The following PDE4B variants were observed in gnomAD, a reference collection of about 807,000 sequenced individuals.
PDE4B encodes the protein phosphodiesterase 4B, also known as 3',5'-cyclic-AMP phosphodiesterase 4B.
In PDE4B, 20 loss-of-function variants were observed where a neutral mutation model predicts 82.2. The observed-to-expected ratio is 0.24, with a 90% CI of 0.17 to 0.35. The LOEUF is 0.35. Among genes scored for constraint, PDE4B ranks in the 10% least tolerant of loss-of-function variants. PDE4B has a pLI of 1.00. For synonymous variants in PDE4B, 320 were observed against 318.9 expected (o/e 1.00, Z -0.04); for missense variants, 655 against 907.2 (o/e 0.72, Z 3.57).
At chr1:66,140,971 G>A (rs529825224) in intron 3 of PDE4B, among the ~76,000 whole-genome samples, 3 of 152,062 alleles carry the variant, frequency 2.0e-5, no homozygotes, top group East Asian at 3.8e-4. Flanking sequence ...AACATTTTAG[G>A]TCTCTGTCTG....
At chr1:66,157,410 C>T (rs1646522119) in intron 3 of PDE4B, among the ~76,000 whole-genome samples, 1 of 152,200 alleles carries the variant, frequency 6.6e-6, no homozygotes, top group Non-Finnish European at 1.5e-5. Flanking sequence ...ATTCCCTTTA[C>T]ATTCTGATGA....
chr1:65,877,475 C>A (rs897213722), intron 1 of PDE4B, among the ~76,000 whole-genome samples: 12 of 151,772 alleles, frequency 7.9e-5, no homozygotes, highest in African/African-American at 2.9e-4. Context: ...ATTAGCTGGG[C>A]GTGGTGGCAG....
chr1:65,815,024 TA>T (rs1645864929), intron 1 of PDE4B, among the ~76,000 whole-genome samples: 1 of 4,330 alleles, frequency 2.3e-4, no homozygotes, highest in Non-Finnish European at 9.1e-3. Context: ...ACACACATTT[TA>T]TTTATTTATT....
chr1:65,840,530 T>C (rs879786317), intron 1 of PDE4B, among the ~76,000 whole-genome samples: 6 of 152,136 alleles, frequency 3.9e-5, no homozygotes, highest in Non-Finnish European at 7.4e-5. Flanking sequence ...TTAACAATAC[T>C]AAACAAAACA....
chr1:66,158,592 A>C (rs1481752315), intron 3 of PDE4B, among the ~76,000 whole-genome samples: 1 of 152,216 alleles, frequency 6.6e-6, no homozygotes, highest in Non-Finnish European at 1.5e-5. Context: ...TCCCACTACT[A>C]GTTATATATT....
intron 3 of PDE4B, among the ~76,000 whole-genome samples, chr1:66,130,208 C>G (rs1327009127): frequency 6.6e-6 from 1 of 152,196 alleles, no homozygotes; most frequent in African/African-American, 2.4e-5. Flanking sequence ...CCAAGTGGAG[C>G]CTCCTTAAAA....
chr1:66,285,949 C>T (rs1260657985), intron 7 of PDE4B, among the ~76,000 whole-genome samples: 1 of 152,140 alleles, frequency 6.6e-6, no homozygotes, highest in Non-Finnish European at 1.5e-5. Flanking sequence ...ATTCTATGAA[C>T]AAGAGAAGAC....
chr1:66,228,975 A>T (rs6692281), intron 3 of PDE4B, among the ~76,000 whole-genome samples: 132,282 of 150,368 alleles, frequency 0.88, 58,047 homozygotes, highest in Non-Finnish European at 0.94. Flanking sequence ...CAATTTCATA[A>T]GGTCTGACCT....
At chr1:66,044,526 C>T (rs905170530) in intron 3 of PDE4B, among the ~76,000 whole-genome samples, 2 of 151,468 alleles carry the variant, frequency 1.3e-5, no homozygotes, top group African/African-American at 2.4e-5. Context: ...GGATCACAAG[C>T]GATATATATT....
Position 66,215,202 on chromosome 1 carries a change from AC to A in PDE4B, c.282-32257del, listed in dbSNP as rs200386154. ...TTCAACAGCTAGCAGGTCATAGGCA[AC>A]AAGCCAATGGGAAGGTTTTAGCATT... On this transcript the variant is annotated intron_variant, in intron 3 of 16. Coordinates refer to ENST00000341517, the MANE Select transcript of PDE4B (RefSeq NM_002600.4). Among the ~76,000 whole-genome samples the A allele has an allele frequency of 5.5e-3, 838 of 152,310 alleles. 8 individuals carry two copies. The highest frequency in any genetic ancestry group is 0.019 in the African/African-American group (802 of 41,576).
intron 3 of PDE4B, among the ~76,000 whole-genome samples, chr1:66,242,881 C>T (rs1157728053): frequency 1.3e-5 from 2 of 152,306 alleles, no homozygotes; most frequent in South Asian, 2.1e-4. Context: ...TCTGCTGGCT[C>T]ACGTGTCACC....
intron 1 of PDE4B, among the ~76,000 whole-genome samples, chr1:65,875,104 GA>G (rs947081732): frequency 2.0e-5 from 3 of 151,570 alleles, no homozygotes; most frequent in African/African-American, 4.8e-5. Flanking sequence ...AAATGTACAA[GA>G]AAAAAACAAA....
intron 1 of PDE4B, 23 bp from the exon 2 acceptor site, chr1:65,913,222 T>C: frequency 9.6e-7 from 1 of 1,042,872 alleles, no homozygotes; most frequent in Non-Finnish European, 1.5e-6. Context: ...CTGTTCTTTT[T>C]TGTGTGTTTT....
At chr1:66,081,978 C>T (rs997189661) in intron 3 of PDE4B, among the ~76,000 whole-genome samples, 1 of 151,848 alleles carries the variant, frequency 6.6e-6, no homozygotes, top group Non-Finnish European at 1.5e-5. Context: ...GGAAAGGAAG[C>T]TTTTAGTGAA....
At chr1:66,269,945 A>C (rs775022297) in intron 7 of PDE4B, among the ~76,000 whole-genome samples, 1 of 152,186 alleles carries the variant, frequency 6.6e-6, no homozygotes, top group Admixed American at 6.5e-5. Context: ...GGTGCTCTCT[A>C]CTAAATTTCT....
At chr1:65,834,824 C>G (rs1430151281) in intron 1 of PDE4B, among the ~76,000 whole-genome samples, 2 of 152,110 alleles carry the variant, frequency 1.3e-5, no homozygotes, top group Admixed American at 1.3e-4. Context: ...AATAGAGAAG[C>G]CAAGCCCAAC....
intron 3 of PDE4B, among the ~76,000 whole-genome samples, chr1:66,195,406 C>T (rs755228667): frequency 6.6e-6 from 1 of 152,142 alleles, no homozygotes; most frequent in Non-Finnish European, 1.5e-5. Flanking sequence ...TCTTTAAGTA[C>T]TTGACCTTCT....
chr1:66,272,757 C>CTTCCA, intron 7 of PDE4B, among the ~76,000 whole-genome samples: 1 of 145,280 alleles, frequency 6.9e-6, no homozygotes, highest in South Asian at 2.2e-4. Context: ...TCTAAACCAG[C>CTTCCA]TTCCATTCTG....
At chr1:66,104,134 T>A (rs1645285903) in intron 3 of PDE4B, among the ~76,000 whole-genome samples, 1 of 136,998 alleles carries the variant, frequency 7.3e-6, no homozygotes, top group Non-Finnish European at 1.5e-5. Flanking sequence ...TTCCCCTTCC[T>A]GTGTCCATGC....
Sources: gnomAD v4.1 joint callset for allele counts (sites outside exome capture counted in the v4.1 genomes callset) on GRCh38, gnomAD v4.1.1 for gene constraint, MANE v1.5 for transcripts, NCBI Gene and HGNC (gene_info 2026-07-23, HGNC 2026-07-21) for gene names.